Variants in SPSB1 observed in about 807,000 individuals in gnomAD.
The protein encoded by SPSB1 is splA/ryanodine receptor domain and SOCS box containing 1, also known as SPRY domain-containing SOCS box protein 1.
SPSB1 carries 8 observed loss-of-function variants against 21.2 expected under a neutral mutation model. The ratio of observed to expected loss-of-function variants is 0.38; its 90% CI spans 0.22 to 0.68. SPSB1 has a LOEUF of 0.68. SPSB1 is among the 30% of genes least tolerant of loss of function. SPSB1 has a pLI of 0.53. For synonymous variants in SPSB1, 169 were observed against 161.7 expected, an observed-to-expected ratio of 1.05 and a Z score of -0.34; for missense variants, 242 against 377.8, an observed-to-expected ratio of 0.64 and a Z score of 2.98.
chr1:9,346,217 G>A lies in SPSB1; in HGVS notation c.-149-9526G>A, dbSNP rs984467544. ...GGGGCGGCAGAGGGAGGGAACTTACGTGATCTTCAGGTGAAAGGAGGCTTT... is the reference window on the plus strand; with the variant it reads ...GGGGCGGCAGAGGGAGGGAACTTACATGATCTTCAGGTGAAAGGAGGCTTT... On this transcript the variant is annotated intron_variant, in intron 1 of 2. Transcript: ENST00000328089. The surrounding 1 kb of genome is among the most constrained non-coding windows in gnomAD (Gnocchi z 4.4). 2.6e-5 allele frequency among the ~76,000 whole-genome samples: 4 copies of A among 152,252 alleles called. No individual in the cohort carries two copies. Among genetic ancestry groups the A allele is most frequent in the African/African-American group, 7.2e-5 (3 of 41,460 alleles).
intron 1 of SPSB1, among the ~76,000 whole-genome samples, chr1:9,353,324 C>T (rs1457787465): frequency 6.6e-6 from 1 of 152,118 alleles, no homozygotes; most frequent in Non-Finnish European, 1.5e-5. Context: ...GCTCTCTCCC[C>T]CTTCCCTCCC....
intron 1 of SPSB1, among the ~76,000 whole-genome samples, chr1:9,340,523 G>T (rs1340190836): frequency 2.0e-5 from 3 of 152,228 alleles, no homozygotes; most frequent in Non-Finnish European, 4.4e-5. Flanking sequence ...GGAAACTTGG[G>T]ACCATGTTAG....
At chr1:9,315,211 G>A (rs930328091) in intron 1 of SPSB1, among the ~76,000 whole-genome samples, 9 of 152,166 alleles carry the variant, frequency 5.9e-5, no homozygotes, top group African/African-American at 1.9e-4. Flanking sequence ...TCCCCATGCC[G>A]CATCACGGAC....
Position 9,338,994 on chromosome 1 carries a change from G to A in SPSB1, c.-149-16749G>A, listed in dbSNP as rs867211530. ...AGCAGTGAGGATCGAGTCTGGGCCC[G>A]GGAGCGGCCTCCAGTGTTTGTTTTG... On this transcript the variant is annotated intron_variant, in intron 1 of 2. Transcript: ENST00000328089. Among the ~76,000 whole-genome samples the A allele has an allele frequency of 5.9e-5, 9 of 152,286 alleles. No homozygotes were observed. The South Asian group carries it at 8.3e-4, about 14-fold the overall frequency.
rs77302022 is a variant in SPSB1, at chr1:9,306,597, G to T, written c.-150+13526G>T. On this transcript the variant is annotated intron_variant, in intron 1 of 2. Coordinates refer to ENST00000328089, the MANE Select transcript of SPSB1 (RefSeq NM_025106.4). ...GATGAGAAAAACTAGGGCAACTCTG[G>T]GCCTCCCTGCCACCCAGGGGAAGAG... is the stretch of plus-strand genomic sequence containing the variant. Among the ~76,000 whole-genome samples the T allele has an allele frequency of 1.1e-4, 17 of 152,272 alleles. 1 individual carries two copies. The highest frequency in any genetic ancestry group is 1.1e-3 in the Admixed American group (17 of 15,304).
intron 1 of SPSB1, chr1:9,339,333 G>T (rs904556153): frequency 1.6e-5 from 16 of 977,742 alleles, no homozygotes; most frequent in East Asian, 1.1e-4. Context: ...CGGGTGGGGC[G>T]TGGACTTCAG....
At chr1:9,307,959 A>G (rs1156533210) in intron 1 of SPSB1, among the ~76,000 whole-genome samples, 1 of 151,668 alleles carries the variant, frequency 6.6e-6, no homozygotes, top group East Asian at 1.9e-4. Context: ...ATGGGGACCG[A>G]CCCTGAGGCT....
chr1:9,332,677 C>T (rs907848901), intron 1 of SPSB1, among the ~76,000 whole-genome samples: 8 of 152,278 alleles, frequency 5.3e-5, no homozygotes, highest in Middle Eastern at 3.4e-3. Flanking sequence ...TGAGACAGAA[C>T]CTTAGAGAGT....
intron 1 of SPSB1, among the ~76,000 whole-genome samples, chr1:9,294,304 CTGTGTATG>C (rs1043875082): frequency 1.3e-5 from 2 of 150,994 alleles, no homozygotes; most frequent in Non-Finnish European, 3.0e-5. Context: ...CTGAGTGCGT[CTGTGTATG>C]TGTGAGTGTC....
Position 9,346,471 on chromosome 1 carries a change from G to T in SPSB1, c.-149-9272G>T, listed in dbSNP as rs537451321. Reference sequence around the variant, plus strand: ...CGCTTTGGCTACATCCCCAAAAGAGGGTGTAGCCGTTCCTTCAACAGACCT... The same window carrying T: ...CGCTTTGGCTACATCCCCAAAAGAGTGTGTAGCCGTTCCTTCAACAGACCT... On this transcript the variant is annotated intron_variant, in intron 1 of 2. Coordinates refer to ENST00000328089, the MANE Select transcript of SPSB1 (RefSeq NM_025106.4). This position sits in a 1 kb window ranked among gnomAD's most constrained non-coding sequence, Gnocchi z 4.4. 6.6e-6 allele frequency among the ~76,000 whole-genome samples: 1 copy of T among 152,298 alleles called. No individual in the cohort carries two copies. Among genetic ancestry groups the T allele is most frequent in the African/African-American group, 2.4e-5 (1 of 41,564 alleles).
intron 1 of SPSB1, among the ~76,000 whole-genome samples, chr1:9,303,303 T>C (rs1639363677): frequency 6.6e-6 from 1 of 152,186 alleles, no homozygotes; most frequent in Admixed American, 6.5e-5. Context: ...AATGTTTGGG[T>C]CACTCTGCCA....
At chr1:9,319,939 C>A (rs901573242) in intron 1 of SPSB1, among the ~76,000 whole-genome samples, 2 of 152,146 alleles carry the variant, frequency 1.3e-5, no homozygotes, top group Non-Finnish European at 2.9e-5. Flanking sequence ...CCATAGCCGG[C>A]CCCTGAGCTG....
intron 1 of SPSB1, among the ~76,000 whole-genome samples, chr1:9,318,906 A>G (rs1366605840): frequency 2.0e-5 from 3 of 152,150 alleles, no homozygotes; most frequent in Admixed American, 6.6e-5. Flanking sequence ...AAGACGTGGT[A>G]GGGCCGGGCG....
At position 9,337,313 on chromosome 1, in the gene SPSB1, A is replaced by G. The variant is rs117773034; in HGVS notation, c.-149-18430A>G. On this transcript the variant is annotated intron_variant, in intron 1 of 2. Coordinates refer to ENST00000328089, the MANE Select transcript of SPSB1 (RefSeq NM_025106.4). ...CAAGAGTTGGCCCTGAAGTCCCTCTAAGAGGCCAAGGACGGGGGCTCAGTG... is the reference window on the plus strand; with the variant it reads ...CAAGAGTTGGCCCTGAAGTCCCTCTGAGAGGCCAAGGACGGGGGCTCAGTG... Among the ~76,000 whole-genome samples, 22 of 152,188 alleles carry G rather than the reference A, an allele frequency of 1.4e-4. No homozygotes were observed. In the East Asian group the frequency reaches 3.9e-3, roughly 27 times the overall value.
Position 9,317,685 on chromosome 1 carries a change from T to C in SPSB1, c.-150+24614T>C, listed in dbSNP as rs1639637477. Among the ~76,000 whole-genome samples the C allele has an allele frequency of 1.3e-5, 2 of 152,310 alleles. No individual in the cohort carries two copies. Among genetic ancestry groups the C allele is most frequent in the South Asian group, 4.1e-4 (2 of 4,820 alleles). ...TTTTTGTAGAGTTGGGGTTTCACCCTATTGCCAGGCTGGTCTCAAACTCCT... is the reference window on the plus strand; with the variant it reads ...TTTTTGTAGAGTTGGGGTTTCACCCCATTGCCAGGCTGGTCTCAAACTCCT... On this transcript the variant is annotated intron_variant, in intron 1 of 2. Transcript: ENST00000328089. The surrounding 1 kb of genome is among the most constrained non-coding windows in gnomAD (Gnocchi z 4.3).
chr1:9,316,560 G>A (rs566471113), intron 1 of SPSB1, among the ~76,000 whole-genome samples: 1 of 152,314 alleles, frequency 6.6e-6, no homozygotes, highest in East Asian at 1.9e-4. Context: ...GCGAGGAGGG[G>A]GGGGCTGATC....
At chr1:9,357,350 T>C (rs952505987) in intron 2 of SPSB1, among the ~76,000 whole-genome samples, 7 of 152,198 alleles carry the variant, frequency 4.6e-5, no homozygotes, top group Admixed American at 1.3e-4. Flanking sequence ...GACTAATGAA[T>C]TGATGGATAA....
At chr1:9,333,774 C>A (rs1639962357) in intron 1 of SPSB1, among the ~76,000 whole-genome samples, 1 of 152,124 alleles carries the variant, frequency 6.6e-6, no homozygotes, top group Non-Finnish European at 1.5e-5. Context: ...CCAAAGAGAC[C>A]CAAGGAGCCC....
At chr1:9,334,121 T>C (rs1486965451) in intron 1 of SPSB1, among the ~76,000 whole-genome samples, 1 of 152,252 alleles carries the variant, frequency 6.6e-6, no homozygotes, top group Non-Finnish European at 1.5e-5. Flanking sequence ...AGTCTTGCTC[T>C]GTTGCCCAGG....
Sources: allele counts gnomAD v4.1 joint callset (sites outside exome capture counted in the v4.1 genomes callset), GRCh38; gene constraint gnomAD v4.1.1; non-coding constraint Gnocchi (gnomAD v3.1); transcripts MANE v1.5; gene names NCBI Gene and HGNC (gene_info 2026-07-23, HGNC 2026-07-21).